NTRK3: variants seen among roughly 807,000 people sequenced by gnomAD.
NTRK3 encodes the protein neurotrophic receptor tyrosine kinase 3.
Under a neutral mutation model 91.7 loss-of-function variants are expected in NTRK3, and 24 were observed. That is an observed-to-expected ratio of 0.26 (90% CI 0.19 to 0.37). The LOEUF (loss-of-function observed/expected upper bound fraction) is 0.37. Ranked by LOEUF, NTRK3 falls within the 10% of genes least tolerant of loss-of-function variation. The probability of loss-of-function intolerance (pLI) is 1.00; values close to 1 mark genes in which losing one functional copy is unlikely to be tolerated. For missense variants in NTRK3, 880 were observed against 1,068.9 expected (o/e 0.82, Z 2.46); for synonymous variants, 483 against 404.0 (o/e 1.20, Z -2.34).
intron 3 of NTRK3, among the ~76,000 whole-genome samples, chr15:88,202,481 G>A (rs1330495489): frequency 2.6e-5 from 4 of 152,234 alleles, no homozygotes; most frequent in African/African-American, 9.6e-5. Context: ...AAGTGAGTCA[G>A]TGTTTCTGAA....
In NTRK3 at chr15:87,910,089, G is replaced by T. The variant is rs2066999142; in HGVS notation, c.2133+19102C>A. Reference sequence around the variant, plus strand: ...TGGGATGGAGCCAAGGGGGCTTCTTGTGGAAGGTCAGGAAGGAGACTGGCA... The same window carrying T: ...TGGGATGGAGCCAAGGGGGCTTCTTTTGGAAGGTCAGGAAGGAGACTGGCA... On this transcript the variant is annotated intron_variant, in intron 17 of 18. Transcript: ENST00000394480. 2.0e-5 allele frequency among the ~76,000 whole-genome samples: 3 copies of T among 152,196 alleles called. No individual in the cohort carries two copies. The South Asian group carries it at 6.2e-4, about 31-fold the overall frequency.
chr15:88,027,896 G>T (rs1476035072), intron 14 of NTRK3, among the ~76,000 whole-genome samples: 1 of 152,168 alleles, frequency 6.6e-6, no homozygotes, highest in Non-Finnish European at 1.5e-5. Flanking sequence ...CAAGACTGGG[G>T]CATGGCACTG....
At chr15:87,990,700 C>A (rs1308881802) in intron 14 of NTRK3, among the ~76,000 whole-genome samples, 1 of 152,144 alleles carries the variant, frequency 6.6e-6, no homozygotes, top group Non-Finnish European at 1.5e-5. Context: ...TATTTCCTGT[C>A]TCTTCAACAT....
At chr15:87,929,584 C>G (rs1184714968) in intron 16 of NTRK3, 150 bp from the exon 17 acceptor site, 1 of 1,032,602 alleles carries the variant, frequency 9.7e-7, no homozygotes, top group Non-Finnish European at 1.4e-6. Context: ...TTATCTGCCC[C>G]AAATTAGATT....
At chr15:88,093,072 T>C (rs890900404) in intron 13 of NTRK3, among the ~76,000 whole-genome samples, 3 of 151,288 alleles carry the variant, frequency 2.0e-5, no homozygotes, top group African/African-American at 7.3e-5. Flanking sequence ...TTTGTTTTTT[T>C]TGTTTTTTTT....
exon 13 of NTRK3, chr15:88,126,311 C>T (rs2151106544): frequency 6.2e-7 from 1 of 1,614,058 alleles, no homozygotes; most frequent in South Asian, 1.1e-5. Flanking sequence ...ATTTGTTGAT[C>T]ATGACGAAGA....
At chr15:88,232,833 G>A (rs2051326657) in intron 3 of NTRK3, among the ~76,000 whole-genome samples, 1 of 152,130 alleles carries the variant, frequency 6.6e-6, no homozygotes, top group Admixed American at 6.5e-5. Context: ...GGGAGAAGCT[G>A]GGATCATTCA....
chr15:87,984,232 C>A (rs1052362884), intron 14 of NTRK3, among the ~76,000 whole-genome samples: 7 of 152,180 alleles, frequency 4.6e-5, no homozygotes, highest in Non-Finnish European at 8.8e-5. Context: ...CCTGAGCACC[C>A]ACCCCAGGCC....
chr15:87,910,914 G>C (rs2067054754), intron 17 of NTRK3, among the ~76,000 whole-genome samples: 1 of 152,156 alleles, frequency 6.6e-6, no homozygotes, highest in Non-Finnish European at 1.5e-5. Flanking sequence ...GAGATAATTA[G>C]TGACCCCAAA....
chr15:88,073,285 G>A (rs1356624151), intron 13 of NTRK3, among the ~76,000 whole-genome samples: 1 of 152,230 alleles, frequency 6.6e-6, no homozygotes, highest in Non-Finnish European at 1.5e-5. Flanking sequence ...TGCTAATGTA[G>A]ATTGTTCAAG....
intron 5 of NTRK3, among the ~76,000 whole-genome samples, chr15:88,153,011 T>C (rs1350827817): frequency 1.3e-5 from 2 of 152,200 alleles, no homozygotes; most frequent in African/African-American, 2.4e-5. Context: ...AGAAAGGCAC[T>C]CTTTTGAGCA....
intron 11 of NTRK3, 145 bp downstream of exon 11, chr15:88,128,566 A>C (rs1283515847): frequency 1.2e-6 from 1 of 869,248 alleles, no homozygotes. Flanking sequence ...GCTACCCTTC[A>C]TTTCCCTTTC....
chr15:88,122,305 A>G (rs1023618886), intron 13 of NTRK3, among the ~76,000 whole-genome samples: 10 of 152,202 alleles, frequency 6.6e-5, no homozygotes, highest in African/African-American at 2.4e-4. Flanking sequence ...TCTTTCATGT[A>G]GTAGAGGTGG....
intron 5 of NTRK3, among the ~76,000 whole-genome samples, chr15:88,167,594 G>A (rs779828541): frequency 6.6e-6 from 1 of 152,282 alleles, no homozygotes; most frequent in Middle Eastern, 3.4e-3. Context: ...GGTATGTAAA[G>A]CACTATAGCC....
intron 5 of NTRK3, among the ~76,000 whole-genome samples, chr15:88,162,135 G>A (rs184822011): frequency 1.3e-4 from 20 of 152,326 alleles, no homozygotes; most frequent in Admixed American, 1.3e-3. Flanking sequence ...CAGATACTCT[G>A]AAGCACCAGC....
chr15:88,157,037 G>A (rs979963079), intron 5 of NTRK3, among the ~76,000 whole-genome samples: 6 of 151,974 alleles, frequency 3.9e-5, no homozygotes, highest in African/African-American at 1.5e-4. Flanking sequence ...AGACAATCCT[G>A]TACCCTGCAG....
At chr15:88,171,787 G>C (rs1286414555) in intron 5 of NTRK3, among the ~76,000 whole-genome samples, 1 of 152,244 alleles carries the variant, frequency 6.6e-6, no homozygotes, top group Non-Finnish European at 1.5e-5. Context: ...AAAGTGTGTG[G>C]TGTTTTCCCT....
At chr15:88,207,490 C>T (rs1176632828) in intron 3 of NTRK3, among the ~76,000 whole-genome samples, 1 of 152,252 alleles carries the variant, frequency 6.6e-6, no homozygotes, top group African/African-American at 2.4e-5. Context: ...ATACACACAG[C>T]TGTCCTGTTG....
chr15:88,111,889 TG>T (rs1307595889), intron 13 of NTRK3, among the ~76,000 whole-genome samples: 32 of 97,034 alleles, frequency 3.3e-4, no homozygotes, highest in South Asian at 2.3e-3. Context: ...TTCTGGTTTC[TG>T]GTTTTTTTTT....
Sources: gnomAD v4.1 joint callset for allele counts (sites outside exome capture counted in the v4.1 genomes callset) on GRCh38, gnomAD v4.1.1 for gene constraint, MANE v1.5 for transcripts, NCBI Gene and HGNC (gene_info 2026-07-23, HGNC 2026-07-21) for gene names.